The following PSMB2 variants were observed in gnomAD, a reference collection of about 807,000 sequenced individuals.
PSMB2 encodes the protein proteasome 20S subunit beta 2.
Under a neutral mutation model 25.7 loss-of-function variants are expected in PSMB2, and 13 were observed. The observed-to-expected ratio is 0.51, with a 90% CI of 0.33 to 0.80. The LOEUF is 0.80. PSMB2 is among the 30% of genes least tolerant of loss of function. The pLI is 0.02. For synonymous variants in PSMB2, 87 were observed against 96.2 expected, an observed-to-expected ratio of 0.90 and a Z score of 0.56; for missense variants, 202 against 259.0, an observed-to-expected ratio of 0.78 and a Z score of 1.51.
Position 35,641,499 on chromosome 1 carries a change from G to T in PSMB2, c.-67C>A. 7 of 1,606,148 alleles carry T rather than the reference G, an allele frequency of 4.4e-6. No homozygotes were observed. Among genetic ancestry groups the T allele is most frequent in the South Asian group, 1.1e-5 (1 of 90,344 alleles). On this transcript the variant is annotated 5_prime_UTR_variant, in exon 1 of 6. Transcript: ENST00000373237. ...GACTCGCCCGCTTCCAGGTCTCACC[G>T]GTGAGACAGCACCTCAGAGCGAAGA...
At chr1:35,628,596 A>ATT (rs1553125166) in intron 3 of PSMB2, among the ~76,000 whole-genome samples, 3 of 25,106 alleles carry the variant, frequency 1.2e-4, no homozygotes, top group African/African-American at 3.4e-4. Context: ...AAAAAAAAAA[A>ATT]ATATATATAT....
At chr1:35,630,238 T>C (rs1651050674) in intron 3 of PSMB2, among the ~76,000 whole-genome samples, 1 of 152,148 alleles carries the variant, frequency 6.6e-6, no homozygotes, top group Admixed American at 6.5e-5. Context: ...CACTAACACA[T>C]AGAGACTTTC....
chr1:35,599,650 T>TTGA lies in PSMB2; in HGVS notation c.*3616_*3617insTCA. On this transcript the variant is annotated 3_prime_UTR_variant, in exon 6 of 6. Coordinates refer to ENST00000373237, the MANE Select transcript of PSMB2 (RefSeq NM_002794.5). ...GCATGTCAAATCAAAGAATTGGGCTTTATTCTCTTAAGCCATGGAAAACCA... is the reference window on the plus strand; with the variant it reads ...GCATGTCAAATCAAAGAATTGGGCTTTGATATTCTCTTAAGCCATGGAAAACCA... The TTGA allele has an allele frequency of 2.0e-6, 2 of 984,668 alleles. No individual in the cohort carries two copies. The highest frequency in any genetic ancestry group is 5.2e-4 in the Middle Eastern group (1 of 1,914). 61.0% of individuals were successfully genotyped at this position (984,668 alleles called of 1,614,324 possible). A position where few individuals can be genotyped will look rare whatever the true frequency, so the allele number is the denominator to read the frequency against.
Position 35,601,690 on chromosome 1 carries a change from A to C in PSMB2, c.*1577T>G. On this transcript the variant is annotated 3_prime_UTR_variant, in exon 6 of 6. Transcript: ENST00000373237. ...AAAAACCTATCTGTATATGATATTA[A>C]GAGGAGCACAGAATTGGATAAAGTA... 1 of 985,454 alleles carries C rather than the reference A, an allele frequency of 1.0e-6. No individual in the cohort carries two copies. The allele number at this position is 985,454 out of a possible 1,614,324, so 61.0% of individuals were successfully genotyped here. A position where few individuals can be genotyped will look rare whatever the true frequency, so the allele number is the denominator to read the frequency against.
At chr1:35,636,556 C>T (rs1651249322) in intron 1 of PSMB2, 124 bp from the exon 2 acceptor site, 1 of 1,112,016 alleles carries the variant, frequency 9.0e-7, no homozygotes, top group Admixed American at 2.8e-5. Flanking sequence ...GATTCTGAAT[C>T]CACAATTCAA....
At chr1:35,613,615 A>ATG (rs1402803757) in intron 3 of PSMB2, among the ~76,000 whole-genome samples, 1 of 152,194 alleles carries the variant, frequency 6.6e-6, no homozygotes, top group Non-Finnish European at 1.5e-5. Flanking sequence ...ATCTCCATGA[A>ATG]TGTACATCTA....
At chr1:35,641,277 C>T in intron 1 of PSMB2, 65 bp downstream of exon 1, 1 of 1,595,548 alleles carries the variant, frequency 6.3e-7, no homozygotes, top group South Asian at 1.1e-5. Flanking sequence ...ATTCAACCCC[C>T]GACAAACTCC....
At chr1:35,631,602 C>T (rs1651098707) in intron 2 of PSMB2, 1 of 863,940 alleles carries the variant, frequency 1.2e-6, no homozygotes, top group Non-Finnish European at 1.5e-6. Flanking sequence ...AGCAGCCTTG[C>T]TTAAACTATT....
chr1:35,602,963 T>G lies in PSMB2; in HGVS notation c.*304A>C. On this transcript the variant is annotated 3_prime_UTR_variant, in exon 6 of 6. Transcript: ENST00000373237. ...TAGCAAGTAAAATATATGAAAGAGC[T>G]AGTTGGAAAGGAAGCCAAGCATGGA... is the stretch of plus-strand genomic sequence containing the variant. 9.3e-7 allele frequency: 1 copy of G among 1,070,450 alleles called. No individual in the cohort carries two copies. Among genetic ancestry groups the G allele is most frequent in the Non-Finnish European group, 1.1e-6 (1 of 883,290 alleles). 66.3% of individuals were successfully genotyped at this position (1,070,450 alleles called of 1,614,324 possible). A position where few individuals can be genotyped will look rare whatever the true frequency, so the allele number is the denominator to read the frequency against.
intron 3 of PSMB2, among the ~76,000 whole-genome samples, chr1:35,623,130 C>T (rs1177053924): frequency 6.6e-6 from 1 of 152,218 alleles, no homozygotes; most frequent in African/African-American, 2.4e-5. Context: ...CCACTAAAAA[C>T]AGAACAGCGG....
At chr1:35,635,346 A>G (rs1406207772) in intron 2 of PSMB2, among the ~76,000 whole-genome samples, 1 of 151,174 alleles carries the variant, frequency 6.6e-6, no homozygotes, top group African/African-American at 2.4e-5. Context: ...GTCTCAAGTG[A>G]TCCTCCCACC....
intron 3 of PSMB2, among the ~76,000 whole-genome samples, chr1:35,617,668 C>T (rs1315330536): frequency 1.3e-5 from 2 of 152,212 alleles, no homozygotes; most frequent in East Asian, 3.9e-4. Context: ...ATAGGAAGGA[C>T]TCCAGATAGA....
chr1:35,626,475 A>G (rs1464154666), intron 3 of PSMB2, among the ~76,000 whole-genome samples: 1 of 152,222 alleles, frequency 6.6e-6, no homozygotes, highest in African/African-American at 2.4e-5. Context: ...AAAACCTACA[A>G]TGGACATATA....
intron 2 of PSMB2, among the ~76,000 whole-genome samples, chr1:35,632,153 G>C (rs1209364182): frequency 6.6e-6 from 1 of 152,188 alleles, no homozygotes; most frequent in Non-Finnish European, 1.5e-5. Flanking sequence ...ACTTTCAAAA[G>C]TATAAGCCAC....
intron 3 of PSMB2, among the ~76,000 whole-genome samples, chr1:35,610,341 A>G (rs772831532): frequency 2.6e-5 from 4 of 151,866 alleles, no homozygotes; most frequent in Non-Finnish European, 4.4e-5. Context: ...TCAGGAGGCT[A>G]AGGTGGGAGG....
chr1:35,608,453 T>C (rs1225576128), intron 4 of PSMB2, among the ~76,000 whole-genome samples: 2 of 151,934 alleles, frequency 1.3e-5, no homozygotes, highest in Non-Finnish European at 2.9e-5. Context: ...TGGCTAACAA[T>C]ATATAGTTTC....
chr1:35,631,418 CCT>C, intron 2 of PSMB2, 74 bp from the exon 3 acceptor site: 2 of 1,596,274 alleles, frequency 1.3e-6, no homozygotes, highest in Non-Finnish European at 1.7e-6. Context: ...ATTCACTACC[CCT>C]GTTCCTAAAG....
intron 4 of PSMB2, among the ~76,000 whole-genome samples, chr1:35,608,697 C>CT (rs1367816559): frequency 6.6e-6 from 1 of 152,160 alleles, no homozygotes; most frequent in Non-Finnish European, 1.5e-5. Flanking sequence ...AGAGCGACGG[C>CT]TTTTTCTTTC....
intron 3 of PSMB2, among the ~76,000 whole-genome samples, chr1:35,618,116 T>C (rs116364024): frequency 0.018 from 2,789 of 152,212 alleles, 100 homozygotes; most frequent in African/African-American, 0.063. Flanking sequence ...TAGTCTACTC[T>C]AGACAGACGA....
Sources: gnomAD v4.1 joint callset for allele counts (sites outside exome capture counted in the v4.1 genomes callset) on GRCh38, gnomAD v4.1.1 for gene constraint, MANE v1.5 for transcripts, NCBI Gene and HGNC (gene_info 2026-07-23, HGNC 2026-07-21) for gene names.